Variants in MTHFD1L observed in about 807,000 individuals in gnomAD.
The protein encoded by MTHFD1L is monofunctional C1-tetrahydrofolate synthase, mitochondrial.
Under a neutral mutation model 119.5 loss-of-function variants are expected in MTHFD1L, and 81 were observed. The observed-to-expected ratio is 0.68, with a 90% CI of 0.57 to 0.82. The LOEUF is 0.82. Ranked by LOEUF, MTHFD1L falls within the 40% of genes least tolerant of loss-of-function variation. The probability of loss-of-function intolerance (pLI) is 0.00; values close to 1 mark genes in which losing one functional copy is unlikely to be tolerated. For synonymous variants in MTHFD1L, 430 were observed against 475.2 expected, an observed-to-expected ratio of 0.90 and a Z score of 1.24; for missense variants, 1,125 against 1,253.4, an observed-to-expected ratio of 0.90 and a Z score of 1.55.
chr6:150,871,551 G>A (rs915815659), intron 1 of MTHFD1L, among the ~76,000 whole-genome samples: 6 of 142,784 alleles, frequency 4.2e-5, no homozygotes, highest in African/African-American at 1.3e-4. Flanking sequence ...GCCCAGGCTG[G>A]ACTGCAGTGC....
chr6:150,974,962 TCCTGA>T (rs1200257515), intron 20 of MTHFD1L, among the ~76,000 whole-genome samples: 1 of 152,082 alleles, frequency 6.6e-6, no homozygotes, highest in Admixed American at 6.6e-5. Context: ...GGTCTCAAAC[TCCTGA>T]CCTCAGGTGA....
At chr6:150,986,743 C>T (rs1192029010) in intron 20 of MTHFD1L, among the ~76,000 whole-genome samples, 7 of 152,126 alleles carry the variant, frequency 4.6e-5, no homozygotes, top group South Asian at 2.1e-4. Context: ...CTCACTCTGT[C>T]GCCCAGGCTG....
At chr6:151,075,993 A>G (rs190037237) in intron 26 of MTHFD1L, among the ~76,000 whole-genome samples, 2 of 152,376 alleles carry the variant, frequency 1.3e-5, no homozygotes, top group Non-Finnish European at 2.9e-5. Flanking sequence ...ACATGAAAAT[A>G]TGCTTACCAT....
chr6:151,034,734 G>A (rs77443631), intron 25 of MTHFD1L, 134 bp downstream of exon 25: 3 of 666,946 alleles, frequency 4.5e-6, no homozygotes, highest in African/African-American at 3.6e-5. Flanking sequence ...CAAAGATGAA[G>A]GTAATATCCT....
At chr6:150,886,148 T>A (rs1204475478) in intron 6 of MTHFD1L, among the ~76,000 whole-genome samples, 1 of 152,162 alleles carries the variant, frequency 6.6e-6, no homozygotes, top group Non-Finnish European at 1.5e-5. Flanking sequence ...AAGACTTAAA[T>A]GAGGCCAGGC....
intron 7 of MTHFD1L, among the ~76,000 whole-genome samples, chr6:150,899,689 A>G (rs1157589347): frequency 6.6e-6 from 1 of 152,174 alleles, no homozygotes; most frequent in Non-Finnish European, 1.5e-5. Flanking sequence ...AAATTAATGC[A>G]TAGGCTGGGT....
chr6:150,987,612 C>T (rs1778482052), intron 20 of MTHFD1L, among the ~76,000 whole-genome samples: 1 of 152,212 alleles, frequency 6.6e-6, no homozygotes. Context: ...AGGCAGCTAG[C>T]GCAAGGGGGA....
chr6:150,877,599 T>C (rs201005179), intron 2 of MTHFD1L, 35 bp from the exon 3 acceptor site: 1 of 1,611,520 alleles, frequency 6.2e-7, no homozygotes, highest in East Asian at 2.2e-5. Flanking sequence ...TTTCAAGCTA[T>C]TTTTATGTTG....
chr6:150,996,343 C>T (rs1291823630), intron 20 of MTHFD1L, among the ~76,000 whole-genome samples: 1 of 152,000 alleles, frequency 6.6e-6, no homozygotes, highest in Admixed American at 6.5e-5. Flanking sequence ...CCCAGGTCAT[C>T]TTTCCTTTTT....
rs1344717290 is a variant in MTHFD1L at position 151,009,881 on chromosome 6, G to GCTTC, written c.2190_2193dup (p.Gly732PhefsTer33). ...GAAATTCTTCAACATCAAGTGCCGA[G>GCTTC]CTTCCGGCTTGGTGCCCAACGTGGT... On this transcript the variant is annotated frameshift_variant, in exon 21 of 28. Coordinates refer to ENST00000367321, the MANE Select transcript of MTHFD1L (RefSeq NM_015440.5). LOFTEE classifies it high-confidence loss of function. 24 of 1,613,746 alleles carry GCTTC rather than the reference G, an allele frequency of 1.5e-5. No individual in the cohort carries two copies. The highest frequency in any genetic ancestry group is 1.8e-5 in the Non-Finnish European group (21 of 1,179,920).
intron 15 of MTHFD1L, among the ~76,000 whole-genome samples, chr6:150,946,666 A>ACCT (rs987856196): frequency 6.6e-6 from 1 of 152,102 alleles, no homozygotes; most frequent in Admixed American, 6.5e-5. Context: ...TTAAAAATTC[A>ACCT]CCTCCTGCCT....
chr6:151,034,806 A>G (rs567871798), intron 25 of MTHFD1L, among the ~76,000 whole-genome samples: 1 of 152,350 alleles, frequency 6.6e-6, no homozygotes, highest in South Asian at 2.1e-4. Flanking sequence ...TGATCCATGC[A>G]TCATTTACTT....
At chr6:150,908,386 G>T (rs148307948) in intron 8 of MTHFD1L, among the ~76,000 whole-genome samples, 7,191 of 151,244 alleles carry the variant, frequency 0.048, 586 homozygotes, top group African/African-American at 0.16. Flanking sequence ...ACTTTGGGAG[G>T]CCGAGGCAGG....
At chr6:151,036,051 G>C (rs1258399184) in intron 25 of MTHFD1L, among the ~76,000 whole-genome samples, 2 of 152,114 alleles carry the variant, frequency 1.3e-5, no homozygotes, top group Non-Finnish European at 2.9e-5. Flanking sequence ...CTTCCAAATA[G>C]TTTTAGGCTA....
At chr6:151,089,838 T>G (rs779831261) in intron 26 of MTHFD1L, among the ~76,000 whole-genome samples, 6 of 152,376 alleles carry the variant, frequency 3.9e-5, no homozygotes, top group Non-Finnish European at 7.3e-5. Context: ...AAATGTTACC[T>G]TCCTGCTGGG....
Position 151,014,161 on chromosome 6 carries a change from C to T in MTHFD1L, c.2307+341C>T, listed in dbSNP as rs190601224. On this transcript the variant is annotated intron_variant, in intron 22 of 27. Coordinates refer to ENST00000367321, the MANE Select transcript of MTHFD1L (RefSeq NM_015440.5). Reference sequence around the variant, plus strand: ...GGCAGAGGTTGCAGTGAGCTGCGATCGCACCACTGTACTCCAGCCTGGACG... The same window carrying T: ...GGCAGAGGTTGCAGTGAGCTGCGATTGCACCACTGTACTCCAGCCTGGACG... Among the ~76,000 whole-genome samples, 383 of 152,146 alleles carry T rather than the reference C, an allele frequency of 2.5e-3. 1 individual carries two copies. Among genetic ancestry groups the T allele is most frequent in the Non-Finnish European group, 4.4e-3 (301 of 67,998 alleles).
intron 26 of MTHFD1L, among the ~76,000 whole-genome samples, chr6:151,087,352 A>C (rs1793919233): frequency 6.6e-6 from 1 of 152,116 alleles, no homozygotes; most frequent in African/African-American, 2.4e-5. Flanking sequence ...TAAATTTTTG[A>C]AACAACACGC....
At chr6:150,879,791 A>G (rs938408398) in intron 4 of MTHFD1L, among the ~76,000 whole-genome samples, 2 of 151,742 alleles carry the variant, frequency 1.3e-5, no homozygotes, top group African/African-American at 4.8e-5. Context: ...CATTATGCCC[A>G]GCTAATTTTT....
chr6:150,933,740 C>G (rs1791565186), intron 11 of MTHFD1L, among the ~76,000 whole-genome samples: 1 of 152,168 alleles, frequency 6.6e-6, no homozygotes, highest in Non-Finnish European at 1.5e-5. Context: ...TGGCCTCCTT[C>G]TGAGACTTCC....
Sources: gnomAD v4.1 joint callset for allele counts (sites outside exome capture counted in the v4.1 genomes callset) on GRCh38, gnomAD v4.1.1 for gene constraint, MANE v1.5 for transcripts, NCBI Gene and HGNC (gene_info 2026-07-23, HGNC 2026-07-21) for gene names.